Variants in CPXM2 observed in about 807,000 individuals in gnomAD.
CPXM2 encodes inactive carboxypeptidase-like protein X2.
In CPXM2, 66 loss-of-function variants were observed where a neutral mutation model predicts 86.1. The ratio of observed to expected loss-of-function variants is 0.77; its 90% confidence interval spans 0.63 to 0.94. The LOEUF (loss-of-function observed/expected upper bound fraction) is 0.94. Among genes scored for constraint, CPXM2 ranks in the 40% least tolerant of loss-of-function variants. The pLI is 0.00. For synonymous variants in CPXM2, 388 were observed against 400.2 expected (o/e 0.97, Z 0.36); for missense variants, 948 against 1,026.3 (o/e 0.92, Z 1.04).
At chr10:123,917,802 C>G (rs1043666491) in intron 2 of CPXM2, among the ~76,000 whole-genome samples, 4 of 152,194 alleles carry the variant, frequency 2.6e-5, no homozygotes, top group Middle Eastern at 3.2e-3. Flanking sequence ...GACCACCTGA[C>G]TAAAAACCCA....
intron 2 of CPXM2, among the ~76,000 whole-genome samples, chr10:123,933,007 G>A (rs1334471020): frequency 6.6e-6 from 1 of 152,210 alleles, no homozygotes; most frequent in African/African-American, 2.4e-5. Flanking sequence ...CCCTGTAGCA[G>A]AGACAGGAAG....
At chr10:123,855,928 A>C (rs534157979) in intron 3 of CPXM2, among the ~76,000 whole-genome samples, 41 of 152,212 alleles carry the variant, frequency 2.7e-4, no homozygotes, top group African/African-American at 9.4e-4. Context: ...GAGCTGCAAG[A>C]GGTGAGCCTC....
chr10:123,856,528 G>A (rs1323064017), intron 3 of CPXM2, among the ~76,000 whole-genome samples: 1 of 152,138 alleles, frequency 6.6e-6, no homozygotes. Context: ...TGAACATAGG[G>A]TCACTTCCTA....
rs548042113 is a variant in CPXM2, at chr10:123,835,078, C to T, written c.653+7271G>A. Reference sequence around the variant, plus strand: ...CTCTTTTCTTTATAAATTATCCAGCCTCAGATATTCCTCTATAGCAACACC... The same window carrying T: ...CTCTTTTCTTTATAAATTATCCAGCTTCAGATATTCCTCTATAGCAACACC... On this transcript the variant is annotated intron_variant, in intron 4 of 13. Coordinates refer to ENST00000241305, the MANE Select transcript of CPXM2 (RefSeq NM_198148.3). 3.2e-4 allele frequency among the ~76,000 whole-genome samples: 48 copies of T among 152,282 alleles called. 1 individual carries two copies. Among genetic ancestry groups the T allele is most frequent in the African/African-American group, 1.1e-3 (46 of 41,554 alleles).
At chr10:123,769,747 A>G (rs1447749787) in intron 8 of CPXM2, among the ~76,000 whole-genome samples, 1 of 152,166 alleles carries the variant, frequency 6.6e-6, no homozygotes, top group Non-Finnish European at 1.5e-5. Context: ...CAGGCACTGA[A>G]TCTGCCCGTG....
chr10:123,857,552 C>T (rs117822334), intron 3 of CPXM2, among the ~76,000 whole-genome samples: 126 of 124,586 alleles, frequency 1.0e-3, no homozygotes, highest in South Asian at 6.2e-3. Context: ...CGATGGAAGG[C>T]GGCGTGGAGA....
chr10:123,943,729 G>A (rs1188541385), upstream of CPXM2, among the ~76,000 whole-genome samples: 1 of 152,224 alleles, frequency 6.6e-6, no homozygotes, highest in African/African-American at 2.4e-5. Flanking sequence ...GTAGGCAGAA[G>A]CTCAGGGCCC....
At chr10:123,786,792 C>G (rs980666794) in intron 6 of CPXM2, among the ~76,000 whole-genome samples, 2 of 152,200 alleles carry the variant, frequency 1.3e-5, no homozygotes, top group Non-Finnish European at 2.9e-5. Context: ...AAGACAAGAT[C>G]CTTCACCTCT....
chr10:123,880,340 T>C, intron 1 of CPXM2, 31 bp from the exon 2 acceptor site: 1 of 925,748 alleles, frequency 1.1e-6, no homozygotes, highest in Non-Finnish European at 1.8e-6. Flanking sequence ...GCCTTTACTT[T>C]CACATACATC....
At chr10:123,815,988 A>C (rs1045192590) in intron 4 of CPXM2, among the ~76,000 whole-genome samples, 2 of 152,118 alleles carry the variant, frequency 1.3e-5, no homozygotes, top group Non-Finnish European at 2.9e-5. Context: ...AAGTTCTAAC[A>C]GTTTATTTGC....
At chr10:123,893,981 A>G (rs1195359652), upstream of CPXM2, among the ~76,000 whole-genome samples, 6 of 152,362 alleles carry the variant, frequency 3.9e-5, no homozygotes, top group East Asian at 1.2e-3. Flanking sequence ...AATCTCCTAA[A>G]GAGTGGGTTC....
upstream of CPXM2, among the ~76,000 whole-genome samples, chr10:123,895,133 T>TTG (rs1945326402): frequency 7.2e-6 from 1 of 138,198 alleles, no homozygotes. Context: ...TTTTTTTTTT[T>TTG]TTTTTTTTTT....
chr10:123,831,994 G>A (rs1848177088), intron 4 of CPXM2, among the ~76,000 whole-genome samples: 1 of 149,812 alleles, frequency 6.7e-6, no homozygotes, highest in Non-Finnish European at 1.5e-5. Flanking sequence ...GGGTGGGGTG[G>A]GGAACAGACT....
intron 3 of CPXM2, among the ~76,000 whole-genome samples, chr10:123,853,549 T>C (rs570212298): frequency 2.0e-5 from 3 of 152,350 alleles, no homozygotes; most frequent in South Asian, 2.1e-4. Flanking sequence ...GCTGAGTACA[T>C]GAAAGGTTTC....
At chr10:123,787,260 GGAAGC>G (rs1316103817) in intron 6 of CPXM2, among the ~76,000 whole-genome samples, 2 of 152,194 alleles carry the variant, frequency 1.3e-5, no homozygotes, top group Non-Finnish European at 2.9e-5. Flanking sequence ...AAAGGTGGAA[GGAAGC>G]CCCAGGTGGG....
chr10:123,933,792 G>A (rs568127124), intron 2 of CPXM2, among the ~76,000 whole-genome samples: 154 of 151,762 alleles, frequency 1.0e-3, no homozygotes, highest in Admixed American at 3.0e-3. Flanking sequence ...TCCCCACCCC[G>A]GGCAGGCCAC....
At chr10:123,856,277 T>G (rs919371890) in intron 3 of CPXM2, among the ~76,000 whole-genome samples, 2 of 152,230 alleles carry the variant, frequency 1.3e-5, no homozygotes, top group African/African-American at 4.8e-5. Flanking sequence ...ATTTAAATTC[T>G]TGAGAATGAG....
In CPXM2 at chr10:123,761,892, G is replaced by A. The variant is rs746915657; in HGVS notation, c.1757C>T (p.Ser586Phe). The A allele has an allele frequency of 6.2e-7, 1 of 1,613,632 alleles. No homozygotes were observed. The highest frequency in any genetic ancestry group is 8.5e-7 in the Non-Finnish European group (1 of 1,179,844). ...QKEEGTVNGASWHTVAGSLND... is the reference protein window; with the variant it reads ...QKEEGTVNGAFWHTVAGSLND... Reference sequence around the variant, plus strand: ...CTTACTTCCAGCGACGGTGTGCCAGGAGGCCCCATTGACAGTGCCCTCCTC... The same window carrying A: ...CTTACTTCCAGCGACGGTGTGCCAGAAGGCCCCATTGACAGTGCCCTCCTC... The change falls in exon 11 of 14, where the codon TCC (serine) becomes TTC (phenylalanine). Residue 586 changes from serine to phenylalanine, a missense_variant. Ser to Phe is a radical substitution (Grantham distance 155, BLOSUM62 -2). Coordinates refer to ENST00000241305, the MANE Select transcript of CPXM2 (RefSeq NM_198148.3).
intron 13 of CPXM2, among the ~76,000 whole-genome samples, chr10:123,749,179 C>T (rs1846023963): frequency 6.6e-6 from 1 of 151,978 alleles, no homozygotes; most frequent in African/African-American, 2.4e-5. Flanking sequence ...CTGCCCCCAC[C>T]AACAGCTATT....
Sources: allele counts gnomAD v4.1 joint callset (sites outside exome capture counted in the v4.1 genomes callset), GRCh38; gene constraint gnomAD v4.1.1; transcripts MANE v1.5; gene names NCBI Gene and HGNC (gene_info 2026-07-23, HGNC 2026-07-21).